The following EDA2R variants were observed in gnomAD, a reference collection of about 807,000 sequenced individuals.
The protein encoded by EDA2R is tumor necrosis factor receptor superfamily member 27.
A neutral mutation model predicts 20.1 loss-of-function variants in EDA2R; 26 were observed. The ratio of observed to expected loss-of-function variants is 1.30; its 90% CI spans 0.95 to 1.80. The LOEUF (loss-of-function observed/expected upper bound fraction) is 1.80, where lower values mean the gene tolerates loss of function less well. Ranked by LOEUF, EDA2R falls within the 40% of genes most tolerant of loss-of-function variation. EDA2R has a pLI of 0.00. For synonymous variants in EDA2R, 114 were observed against 88.7 expected (o/e 1.29, Z -1.60); for missense variants, 277 against 228.7 (o/e 1.21, Z -1.36).
chrX:66,618,596 C>T (rs775975944), intron 1 of EDA2R, among the ~76,000 whole-genome samples: 27 of 112,061 alleles, frequency 2.4e-4, no homozygotes, highest in Non-Finnish European at 4.9e-4. Flanking sequence ...CTATAAAGTT[C>T]CCAAGAGTAG....
intron 1 of EDA2R, among the ~76,000 whole-genome samples, chrX:66,621,692 A>G (rs1932649987): frequency 8.9e-6 from 1 of 112,436 alleles, no homozygotes; most frequent in Non-Finnish European, 1.9e-5. Flanking sequence ...TGAAATGTCC[A>G]GAATAGGCAA....
chrX:66,607,662 T>C (rs1929938525), intron 2 of EDA2R, among the ~76,000 whole-genome samples: 1 of 111,067 alleles, frequency 9.0e-6, no homozygotes, highest in African/African-American at 3.3e-5. Context: ...CAACAACAGA[T>C]GGACTACTAT....
intron 2 of EDA2R, among the ~76,000 whole-genome samples, chrX:66,606,614 A>G (rs1170473682): frequency 1.8e-5 from 2 of 112,131 alleles, no homozygotes; most frequent in Non-Finnish European, 3.8e-5. Flanking sequence ...GCTTACATCA[A>G]CCATGTAAAT....
At chrX:66,630,933 G>GTACATATATACACGTATGTGTGTATACA (rs1405529184) in intron 1 of EDA2R, among the ~76,000 whole-genome samples, 17 of 105,511 alleles carry the variant, frequency 1.6e-4, no homozygotes, top group South Asian at 1.2e-3. Flanking sequence ...GTGTATATAC[G>GTACATATATACACGTATGTGTGTATACA]TACATATATA....
intron 2 of EDA2R, among the ~76,000 whole-genome samples, chrX:66,611,534 T>C (rs1340121650): frequency 9.0e-6 from 1 of 111,139 alleles, no homozygotes; most frequent in African/African-American, 3.3e-5. Context: ...AAAAATAAAA[T>C]GACAGAAATT....
rs1308927202 is a variant in EDA2R, at chrX:66,615,934, C to T, written c.87G>A (p.Lys29=). The change falls in exon 2 of 7, where the codon AAG becomes AAA. Residue 29 remains lysine (K), a splice_region_variant and synonymous_variant. Transcript: ENST00000374719. The stretch of plus-strand genomic sequence containing the variant: ...AAGTGTACTGAATAGGATAACTTAC[C>T]TTGGATAGCTCCTGTCCAGGACCAC... ...QRCGPGQELS[K]DCGYGEGGDA... 3 of 1,204,088 alleles carry T rather than the reference C, an allele frequency of 2.5e-6. No individual in the cohort carries two copies. The highest frequency in any genetic ancestry group is 4.4e-5 in the Admixed American group (2 of 45,884).
At chrX:66,621,808 G>A (rs1351351531) in intron 1 of EDA2R, among the ~76,000 whole-genome samples, 4 of 111,968 alleles carry the variant, frequency 3.6e-5, no homozygotes, top group African/African-American at 1.3e-4. Flanking sequence ...AAAATGCCCT[G>A]GAATTAGACA....
intron 2 of EDA2R, among the ~76,000 whole-genome samples, chrX:66,605,587 A>G (rs1397821316): frequency 1.8e-5 from 2 of 111,910 alleles, no homozygotes; most frequent in Non-Finnish European, 3.8e-5. Context: ...TCTGCTGTAC[A>G]TCATCCTCAA....
intron 2 of EDA2R, among the ~76,000 whole-genome samples, chrX:66,614,782 A>G (rs1285915720): frequency 8.9e-6 from 1 of 111,736 alleles, no homozygotes; most frequent in African/African-American, 3.2e-5. Context: ...TCCAACCCAA[A>G]ACCCTCCAAA....
chrX:66,611,612 C>T (rs780552130), intron 2 of EDA2R, among the ~76,000 whole-genome samples: 17 of 109,799 alleles, frequency 1.5e-4, no homozygotes, highest in Non-Finnish European at 2.7e-4. Context: ...AACTTGAGGA[C>T]AGAACAACAG....
At chrX:66,631,481 A>T (rs1933811469) in intron 1 of EDA2R, among the ~76,000 whole-genome samples, 1 of 111,810 alleles carries the variant, frequency 8.9e-6, no homozygotes, top group Non-Finnish European at 1.9e-5. Context: ...TGAGTCTGGC[A>T]CACTTTTCAA....
chrX:66,611,194 A>G (rs929648591), intron 2 of EDA2R, among the ~76,000 whole-genome samples: 3 of 111,929 alleles, frequency 2.7e-5, no homozygotes, highest in Non-Finnish European at 5.6e-5. Flanking sequence ...AACGTAGGCC[A>G]AAACCTGTAT....
Position 66,602,716 on chromosome X carries a change from C to T in EDA2R, c.434G>A (p.Ser145Asn). 3.3e-6 allele frequency: 4 copies of T among 1,200,015 alleles called. No individual in the cohort carries two copies. Among genetic ancestry groups the T allele is most frequent in the Non-Finnish European group, 4.5e-6 (4 of 889,067 alleles). The change falls in exon 5 of 7, where the codon AGC becomes AAC. Residue 145 changes from serine (S) to asparagine (N), a missense_variant. Coordinates refer to ENST00000374719, the MANE Select transcript of EDA2R (RefSeq NM_021783.5). ...GGCCAGGGTAAACACCACTAGCAGGCTGCTCACCAGTGCAACAAGTGTGGC... is the reference window on the plus strand; with the variant it reads ...GGCCAGGGTAAACACCACTAGCAGGTTGCTCACCAGTGCAACAAGTGTGGC... ...QEATLVALVS[S>N]LLVVFTLAFL...
chrX:66,624,476 G>T (rs1347778752), intron 1 of EDA2R, among the ~76,000 whole-genome samples: 1 of 111,886 alleles, frequency 8.9e-6, no homozygotes, highest in Admixed American at 9.4e-5. Context: ...CCAAGATTGT[G>T]CCACTGCACT....
intron 1 of EDA2R, among the ~76,000 whole-genome samples, chrX:66,620,965 CAAAAAAAAAA>C (rs376190384): frequency 3.8e-3 from 212 of 55,303 alleles, no homozygotes; most frequent in African/African-American, 0.01. Flanking sequence ...TATCCACTAC[CAAAAAAAAAA>C]AAAAAAAAAA....
chrX:66,609,575 A>G (rs913483502), intron 2 of EDA2R, among the ~76,000 whole-genome samples: 1 of 112,052 alleles, frequency 8.9e-6, no homozygotes, highest in East Asian at 2.8e-4. Flanking sequence ...GGGTCAAATT[A>G]TTAGGAAATA....
chrX:66,613,012 C>T (rs777094409), intron 2 of EDA2R, among the ~76,000 whole-genome samples: 1 of 111,099 alleles, frequency 9.0e-6, no homozygotes, highest in African/African-American at 3.3e-5. Flanking sequence ...AATTTTGATG[C>T]TGATAGTGTT....
intron 1 of EDA2R, among the ~76,000 whole-genome samples, chrX:66,621,598 A>T (rs1308115426): frequency 6.2e-5 from 7 of 112,719 alleles, no homozygotes; most frequent in African/African-American, 2.3e-4. Context: ...AACATGTGCA[A>T]TAACATGAAT....
chrX:66,631,272 G>T (rs141887940), intron 1 of EDA2R, among the ~76,000 whole-genome samples: 2 of 110,769 alleles, frequency 1.8e-5, no homozygotes, highest in African/African-American at 6.6e-5. Context: ...TACTGCTCAG[G>T]TGATGGATGC....
Sources: gnomAD v4.1 joint callset for allele counts (sites outside exome capture counted in the v4.1 genomes callset) on GRCh38, gnomAD v4.1.1 for gene constraint, MANE v1.5 for transcripts, NCBI Gene and HGNC (gene_info 2026-07-23, HGNC 2026-07-21) for gene names.